The following PTPRM variants were observed in gnomAD, a reference collection of about 807,000 sequenced individuals.
PTPRM encodes the protein protein tyrosine phosphatase receptor type M, also known as receptor-type tyrosine-protein phosphatase mu.
In PTPRM, 47 loss-of-function variants were observed where a neutral mutation model predicts 186.7. That is an observed-to-expected ratio of 0.25 (90% CI 0.20 to 0.32). The LOEUF is 0.32. PTPRM is among the 10% of genes least tolerant of loss of function. PTPRM has a pLI of 1.00. For missense variants in PTPRM, 1,494 were observed against 1,865.0 expected, an observed-to-expected ratio of 0.80 and a Z score of 3.66; for synonymous variants, 668 against 674.9, an observed-to-expected ratio of 0.99 and a Z score of 0.16.
chr18:8,368,893 G>T (rs1314368828), intron 23 of PTPRM, among the ~76,000 whole-genome samples: 1 of 152,170 alleles, frequency 6.6e-6, no homozygotes, highest in Non-Finnish European at 1.5e-5. Flanking sequence ...CCCTTTATGT[G>T]CTGGCCAGGA....
intron 14 of PTPRM, among the ~76,000 whole-genome samples, chr18:8,216,634 C>T (rs1027115425): frequency 3.9e-5 from 6 of 152,054 alleles, no homozygotes; most frequent in African/African-American, 9.7e-5. Flanking sequence ...CATTTGGTTA[C>T]CCCTTTCAAA....
chr18:8,337,789 G>A (rs545986353), intron 22 of PTPRM, among the ~76,000 whole-genome samples: 4 of 152,312 alleles, frequency 2.6e-5, no homozygotes, highest in South Asian at 2.1e-4. Flanking sequence ...CGCTGGGAAG[G>A]AGCGTGAGGG....
chr18:7,960,962 G>A (rs969440034), intron 7 of PTPRM, among the ~76,000 whole-genome samples: 1 of 152,208 alleles, frequency 6.6e-6, no homozygotes, highest in South Asian at 2.1e-4. Context: ...GTTAAATCAT[G>A]TTAAGTATAT....
At chr18:8,264,792 AAG>A (rs1298527006) in intron 19 of PTPRM, among the ~76,000 whole-genome samples, 10,586 of 143,334 alleles carry the variant, frequency 0.074, 416 homozygotes, top group Middle Eastern at 0.14. Context: ...AAAAAAAAAA[AAG>A]AGTACACACC....
chr18:7,948,704 G>A (rs1419602287), intron 5 of PTPRM, among the ~76,000 whole-genome samples: 3 of 152,134 alleles, frequency 2.0e-5, no homozygotes, highest in Non-Finnish European at 4.4e-5. Flanking sequence ...CTGTTCAATA[G>A]GGAGTACTCT....
rs2094415391 is a variant in PTPRM at position 8,240,655 on chromosome 18, A to AGAG, written c.2301-3403_2301-3402insGAG. On this transcript the variant is annotated intron_variant, in intron 14 of 32. Coordinates refer to ENST00000580170, the MANE Select transcript of PTPRM (RefSeq NM_001105244.2). ...AGAGAGAGAGAGAGAGAGAGAGAGA[A>AGAG]AGAAAGAAAGAAAGAAAGAAAGAAA... is the stretch of plus-strand genomic sequence containing the variant. Among the ~76,000 whole-genome samples the AGAG allele has an allele frequency of 1.1e-3, 17 of 15,968 alleles. 1 individual carries two copies. The highest frequency in any genetic ancestry group is 9.2e-3 in the South Asian group (7 of 762). The allele number at this position is 15,968 out of a possible 152,430, so 10.5% of individuals were successfully genotyped here. A position where few individuals can be genotyped will look rare whatever the true frequency, so the allele number is the denominator to read the frequency against.
At chr18:8,290,662 G>C (rs56406325) in intron 19 of PTPRM, among the ~76,000 whole-genome samples, 2 of 152,074 alleles carry the variant, frequency 1.3e-5, no homozygotes, top group Non-Finnish European at 2.9e-5. Flanking sequence ...GAAGTCATTG[G>C]TATTCACTGG....
intron 13 of PTPRM, among the ~76,000 whole-genome samples, chr18:8,124,978 T>A (rs955752247): frequency 6.6e-6 from 1 of 152,062 alleles, no homozygotes; most frequent in African/African-American, 2.4e-5. Flanking sequence ...TGGTACGTGG[T>A]GCTTGCTGGT....
chr18:8,076,555 T>C lies in PTPRM; in HGVS notation c.1542T>C (p.Thr514=). Residue 514 remains threonine (T), a synonymous_variant, in exon 9 of 33, where the codon ACT becomes ACC. Transcript: ENST00000580170. ...REPTQTYGVI[T]LYEITYKAVS... is the part of the protein sequence containing the mutation. ...CAACTCAAACATATGGTGTAATCACTTTATATGAGGTAATATATATGTTTG... is the reference window on the plus strand; with the variant it reads ...CAACTCAAACATATGGTGTAATCACCTTATATGAGGTAATATATATGTTTG... 2 of 1,513,740 alleles carry C rather than the reference T, an allele frequency of 1.3e-6. No homozygotes were observed. The highest frequency in any genetic ancestry group is 1.4e-5 in the African/African-American group (1 of 72,812). 93.8% of individuals were successfully genotyped at this position (1,513,740 alleles called of 1,614,324 possible). A position where few individuals can be genotyped will look rare whatever the true frequency, so the allele number is the denominator to read the frequency against.
rs185361857 is a variant in PTPRM, at chr18:8,280,200, G to A, written c.2755-16168G>A. Among the ~76,000 whole-genome samples, 23 of 152,206 alleles carry A rather than the reference G, an allele frequency of 1.5e-4. No homozygotes were observed. In the East Asian group the frequency reaches 4.5e-3, roughly 29 times the overall value. On this transcript the variant is annotated intron_variant, in intron 19 of 32. Coordinates refer to ENST00000580170, the MANE Select transcript of PTPRM (RefSeq NM_001105244.2). ...CCTCTCCTCACATGTTGGCTTGCAG[G>A]TGGTCAGTTCTGCACGCATGCCCCA...
chr18:7,621,055 A>T (rs2037925512), intron 1 of PTPRM, among the ~76,000 whole-genome samples: 1 of 152,196 alleles, frequency 6.6e-6, no homozygotes, highest in African/African-American at 2.4e-5. Context: ...AAACTTTATA[A>T]AATAATAGCA....
At chr18:7,972,999 C>A (rs1007653142) in intron 7 of PTPRM, among the ~76,000 whole-genome samples, 1 of 152,090 alleles carries the variant, frequency 6.6e-6, no homozygotes. Flanking sequence ...ATTTTCTGAA[C>A]AGCTCTCTAG....
chr18:7,947,879 C>T (rs1466618503), intron 5 of PTPRM, among the ~76,000 whole-genome samples: 2 of 152,036 alleles, frequency 1.3e-5, no homozygotes, highest in Non-Finnish European at 2.9e-5. Flanking sequence ...ACCTATACAC[C>T]CCAAACAACT....
Position 7,602,747 on chromosome 18 carries a change from G to A in PTPRM, c.73+34856G>A, listed in dbSNP as rs147424085. On this transcript the variant is annotated intron_variant, in intron 1 of 32. Transcript: ENST00000580170. ...TCCCATTTCTCCTTGCACTGTGAAC[G>A]TGGAACCTTAAAAATAAAAGTGTTG... Among the ~76,000 whole-genome samples the A allele has an allele frequency of 8.6e-5, 13 of 150,518 alleles. No homozygotes were observed. In the South Asian group the frequency reaches 1.3e-3, roughly 15 times the overall value.
intron 2 of PTPRM, among the ~76,000 whole-genome samples, chr18:7,847,155 C>T (rs2046635864): frequency 7.2e-6 from 1 of 139,358 alleles, no homozygotes; most frequent in African/African-American, 2.6e-5. Flanking sequence ...GTTGTAGTTT[C>T]TGAAATACAA....
At chr18:8,044,486 G>A (rs140432986) in intron 7 of PTPRM, among the ~76,000 whole-genome samples, 2 of 152,226 alleles carry the variant, frequency 1.3e-5, no homozygotes, top group Admixed American at 6.5e-5. Context: ...CGGGCACAAT[G>A]ATAAACATGT....
intron 1 of PTPRM, among the ~76,000 whole-genome samples, chr18:7,638,903 A>G (rs965543293): frequency 3.3e-5 from 5 of 152,138 alleles, no homozygotes; most frequent in South Asian, 4.1e-4. Flanking sequence ...CCAATTAAAT[A>G]TTTTTCTACA....
At chr18:8,302,799 G>A (rs11081376) in intron 20 of PTPRM, among the ~76,000 whole-genome samples, 20,087 of 151,802 alleles carry the variant, frequency 0.13, 1,550 homozygotes, top group Middle Eastern at 0.33. Context: ...GGATGGATGG[G>A]CCATTCCCTT....
intron 23 of PTPRM, 110 bp downstream of exon 23, chr18:8,343,630 T>A: frequency 1.2e-6 from 1 of 827,080 alleles, no homozygotes; most frequent in Non-Finnish European, 1.9e-6. Flanking sequence ...CCCAAAACAT[T>A]AACTACTCCA....
Sources: allele counts gnomAD v4.1 joint callset (sites outside exome capture counted in the v4.1 genomes callset), GRCh38; gene constraint gnomAD v4.1.1; transcripts MANE v1.5; gene names NCBI Gene and HGNC (gene_info 2026-07-23, HGNC 2026-07-21).